Variants in PPP6R3 observed in about 807,000 individuals in gnomAD.
PPP6R3 encodes the protein protein phosphatase 6 regulatory subunit 3.
PPP6R3 carries 38 observed loss-of-function variants against 110.7 expected under a neutral mutation model. That is an observed-to-expected ratio of 0.34 (90% CI 0.26 to 0.45). The LOEUF (loss-of-function observed/expected upper bound fraction) is 0.45, where lower values mean the gene tolerates loss of function less well. Ranked by LOEUF, PPP6R3 falls within the 20% of genes least tolerant of loss-of-function variation. PPP6R3 has a pLI of 1.00. For missense variants in PPP6R3, 870 were observed against 1,062.4 expected (o/e 0.82, Z 2.52); for synonymous variants, 369 against 373.5 (o/e 0.99, Z 0.14).
rs559509706 is a variant in PPP6R3, at chr11:68,602,023, A to C, written c.2299+54A>C. 4 of 1,399,866 alleles carry C rather than the reference A, an allele frequency of 2.9e-6. No homozygotes were observed. The African/African-American group carries it at 4.3e-5, about 15-fold the overall frequency. 86.7% of individuals were successfully genotyped at this position (1,399,866 alleles called of 1,614,324 possible). A position where few individuals can be genotyped will look rare whatever the true frequency, so the allele number is the denominator to read the frequency against. ...CAGGGTCACGTGGCTGCTTTGTCAA[A>C]CCAGACCTGATTCTCAGGCTCAGGG... On this transcript the variant is annotated intron_variant, in intron 21 of 23. Transcript: ENST00000393800.
At chr11:68,495,626 A>G (rs1282268919) in intron 1 of PPP6R3, among the ~76,000 whole-genome samples, 1 of 152,116 alleles carries the variant, frequency 6.6e-6, no homozygotes, top group African/African-American at 2.4e-5. Context: ...CCTCTTAGCC[A>G]TGTTTTCAAG....
chr11:68,593,497 G>A (rs576473666), intron 18 of PPP6R3, among the ~76,000 whole-genome samples: 2 of 152,244 alleles, frequency 1.3e-5, no homozygotes, highest in East Asian at 1.9e-4. Context: ...AAGATAGATT[G>A]TGATGTTAAA....
chr11:68,536,956 A>T lies in PPP6R3; in HGVS notation c.-6-703A>T, dbSNP rs147359028. ...GATCATGTAGTGAACCCTCTGTTTT[A>T]TATTTCCATTTGTAACAAATAAGTA... On this transcript the variant is annotated intron_variant, in intron 2 of 23. Coordinates refer to ENST00000393800, the MANE Select transcript of PPP6R3 (RefSeq NM_001164161.2). Among the ~76,000 whole-genome samples the T allele has an allele frequency of 4.1e-3, 620 of 152,294 alleles. 2 individuals carry two copies. Among genetic ancestry groups the T allele is most frequent in the African/African-American group, 0.014 (594 of 41,564 alleles).
chr11:68,490,829 T>C (rs1458146457), intron 1 of PPP6R3, among the ~76,000 whole-genome samples: 1 of 152,216 alleles, frequency 6.6e-6, no homozygotes, highest in Non-Finnish European at 1.5e-5. Context: ...TCTCTGCTTA[T>C]GTTATCTTTC....
At chr11:68,496,475 T>C (rs2099016723) in intron 1 of PPP6R3, among the ~76,000 whole-genome samples, 1 of 151,704 alleles carries the variant, frequency 6.6e-6, no homozygotes, top group African/African-American at 2.4e-5. Flanking sequence ...TGCGCTTGCC[T>C]CATTTGGTTT....
In PPP6R3 at chr11:68,471,379, C is replaced by G. The variant is rs567330294; in HGVS notation, c.-158+10552C>G. On this transcript the variant is annotated intron_variant, in intron 1 of 23. Transcript: ENST00000393800. ...TGAGTGAGGCACTGAAGGAATGAGG[C>G]TCTACGGCAGCCTAGAAGGTGGAAG... 2.6e-5 allele frequency among the ~76,000 whole-genome samples: 4 copies of G among 151,780 alleles called. No homozygotes were observed. The South Asian group carries it at 8.3e-4, about 32-fold the overall frequency.
At chr11:68,467,527 C>A (rs1413829899) in intron 1 of PPP6R3, among the ~76,000 whole-genome samples, 1 of 152,148 alleles carries the variant, frequency 6.6e-6, no homozygotes, top group Non-Finnish European at 1.5e-5. Flanking sequence ...TAAATCTGAA[C>A]AAAAATTCTG....
At chr11:68,461,850 G>A (rs932229386) in intron 1 of PPP6R3, among the ~76,000 whole-genome samples, 15 of 152,084 alleles carry the variant, frequency 9.9e-5, no homozygotes, top group African/African-American at 3.4e-4. Context: ...TGTCCTCAAG[G>A]TCATGTTGCA....
rs567489042 is a variant in PPP6R3, at chr11:68,490,431, T to C, written c.-157-29070T>C. Reference sequence around the variant, plus strand: ...GTGTTTTTTTTTGGTGGGGGGTAAGTGGGGAGGTCATTGCTTGGCTTTTTA... The same window carrying C: ...GTGTTTTTTTTTGGTGGGGGGTAAGCGGGGAGGTCATTGCTTGGCTTTTTA... On this transcript the variant is annotated intron_variant, in intron 1 of 23. Coordinates refer to ENST00000393800, the MANE Select transcript of PPP6R3 (RefSeq NM_001164161.2). 8.5e-5 allele frequency among the ~76,000 whole-genome samples: 13 copies of C among 152,086 alleles called. No individual in the cohort carries two copies. The East Asian group carries it at 2.3e-3, about 27-fold the overall frequency.
At chr11:68,541,039 G>A (rs1240018718) in intron 3 of PPP6R3, among the ~76,000 whole-genome samples, 1 of 152,216 alleles carries the variant, frequency 6.6e-6, no homozygotes, top group Non-Finnish European at 1.5e-5. Context: ...GCATAGGAAA[G>A]CACAAGGGTA....
At chr11:68,503,017 C>T (rs1260722285) in intron 1 of PPP6R3, among the ~76,000 whole-genome samples, 1 of 152,204 alleles carries the variant, frequency 6.6e-6, no homozygotes, top group African/African-American at 2.4e-5. Flanking sequence ...GATACTGGCT[C>T]ACTACAACCT....
At chr11:68,553,140 T>A (rs1407270023) in intron 6 of PPP6R3, among the ~76,000 whole-genome samples, 3 of 152,198 alleles carry the variant, frequency 2.0e-5, no homozygotes, top group African/African-American at 7.2e-5. Context: ...AGCACATTGC[T>A]CAGTCTTTGA....
chr11:68,544,750 A>C (rs2099341760), intron 3 of PPP6R3, 88 bp from the exon 4 acceptor site: 1 of 919,106 alleles, frequency 1.1e-6, no homozygotes, highest in Non-Finnish European at 1.6e-6. Context: ...TTTTTCACAA[A>C]ATCTTGGGAA....
At chr11:68,472,692 A>G (rs1174440354) in intron 1 of PPP6R3, among the ~76,000 whole-genome samples, 2 of 151,980 alleles carry the variant, frequency 1.3e-5, no homozygotes, top group Non-Finnish European at 2.9e-5. Flanking sequence ...AAAGTGTACA[A>G]CTGATGGATT....
chr11:68,522,041 A>G (rs531279980), intron 2 of PPP6R3, among the ~76,000 whole-genome samples: 1 of 152,222 alleles, frequency 6.6e-6, no homozygotes. Flanking sequence ...CCCCAAGCAT[A>G]TTACTTCAGT....
At chr11:68,512,440 A>C (rs556571692) in intron 1 of PPP6R3, among the ~76,000 whole-genome samples, 17 of 152,344 alleles carry the variant, frequency 1.1e-4, no homozygotes, top group Non-Finnish European at 2.1e-4. Context: ...TAAAGATCAT[A>C]ATCTCTAAAA....
intron 5 of PPP6R3, among the ~76,000 whole-genome samples, chr11:68,549,876 G>A (rs551315570): frequency 2.6e-5 from 4 of 152,146 alleles, no homozygotes; most frequent in Admixed American, 2.0e-4. Context: ...ATCCACAGTC[G>A]GAGATGACTA....
intron 14 of PPP6R3, among the ~76,000 whole-genome samples, chr11:68,578,173 G>A (rs959746345): frequency 3.3e-5 from 5 of 152,056 alleles, no homozygotes; most frequent in Non-Finnish European, 7.3e-5. Flanking sequence ...GATTTTAATC[G>A]TATCCTCCAG....
chr11:68,566,668 C>CT (rs1271796675), intron 9 of PPP6R3, among the ~76,000 whole-genome samples: 1 of 152,092 alleles, frequency 6.6e-6, no homozygotes, highest in Non-Finnish European at 1.5e-5. Flanking sequence ...GCCATAACTT[C>CT]TTTTAGTTTA....
Sources: gnomAD v4.1 joint callset for allele counts (sites outside exome capture counted in the v4.1 genomes callset) on GRCh38, gnomAD v4.1.1 for gene constraint, MANE v1.5 for transcripts, NCBI Gene and HGNC (gene_info 2026-07-23, HGNC 2026-07-21) for gene names.